FYB2: variants seen among roughly 807,000 people sequenced by gnomAD.
FYB2 encodes FYN binding protein 2.
In FYB2, 103 loss-of-function variants were observed where a neutral mutation model predicts 94.1. That is an observed-to-expected ratio of 1.09 (90% confidence interval 0.93 to 1.29). The LOEUF (loss-of-function observed/expected upper bound fraction) is 1.29. Among genes scored for constraint, FYB2 ranks in the 50% most tolerant of loss-of-function variants. The pLI is 0.00. For synonymous variants in FYB2, 293 were observed against 287.9 expected, an observed-to-expected ratio of 1.02 and a Z score of -0.18; for missense variants, 896 against 841.5, an observed-to-expected ratio of 1.06 and a Z score of -0.80.
At chr1:56,825,660 C>T in the FYB2 span, among the ~76,000 whole-genome samples, 18 of 152,126 alleles carry the variant, frequency 1.2e-4, no homozygotes, top group Non-Finnish European at 2.1e-4. Flanking sequence ...AATACAATAA[C>T]AAGCGCCCCC....
intron 1 of FYB2, among the ~76,000 whole-genome samples, chr1:56,795,757 T>C (rs1284713363): frequency 1.3e-5 from 2 of 152,194 alleles, no homozygotes; most frequent in African/African-American, 2.4e-5. Flanking sequence ...GGACAACTAC[T>C]GTACAATGTT....
rs1224778044 is a variant in FYB2, at chr1:56,737,067, C to T, written c.1793+20G>A. ...TGGGTCAAATATCAGCAGGGATGAC[C>T]AATAAGGTAAATTACTTACTTTGAC... On this transcript the variant is annotated intron_variant, in intron 15 of 19. Transcript: ENST00000343433. 6.4e-7 allele frequency: 1 copy of T among 1,558,098 alleles called. No homozygotes were observed. Among genetic ancestry groups the T allele is most frequent in the African/African-American group, 1.4e-5 (1 of 73,564 alleles).
intron 5 of FYB2, among the ~76,000 whole-genome samples, chr1:56,763,819 C>T (rs1645558497): frequency 6.6e-6 from 1 of 151,650 alleles, no homozygotes; most frequent in Non-Finnish European, 1.5e-5. Context: ...CTAATCTTAT[C>T]CTTATTGTTT....
At position 56,726,589 on chromosome 1, in the gene FYB2, G is replaced by A; in HGVS notation, c.1794-6C>T. 6.2e-7 allele frequency: 1 copy of A among 1,604,490 alleles called. No individual in the cohort carries two copies. Among genetic ancestry groups the A allele is most frequent in the South Asian group, 1.1e-5 (1 of 90,242 alleles). The stretch of plus-strand genomic sequence containing the variant: ...TTTTCAGTTTATCTTCATCTCTGAG[G>A]AGAAATATATTTTGAGCAAGTAAAT... On this transcript the variant is annotated splice_polypyrimidine_tract_variant and splice_region_variant and intron_variant, in intron 15 of 19. Coordinates refer to ENST00000343433, the MANE Select transcript of FYB2 (RefSeq NM_001004303.5).
At chr1:56,733,975 C>T (rs1644771554) in intron 15 of FYB2, among the ~76,000 whole-genome samples, 1 of 151,870 alleles carries the variant, frequency 6.6e-6, no homozygotes, top group Non-Finnish European at 1.5e-5. Flanking sequence ...CTTTTTTAAC[C>T]TTCTGTCTCA....
At chr1:56,740,661 TC>T (rs1644930292) in intron 13 of FYB2, 35 bp downstream of exon 13, 1 of 1,270,164 alleles carries the variant, frequency 7.9e-7, no homozygotes, top group Admixed American at 1.9e-5. Context: ...ACCAGGTTAA[TC>T]CCCTCGTGGA....
intron 14 of FYB2, among the ~76,000 whole-genome samples, chr1:56,738,070 C>A (rs1485421974): frequency 6.6e-6 from 1 of 152,042 alleles, no homozygotes; most frequent in Non-Finnish European, 1.5e-5. Context: ...CTTTTATTGA[C>A]AAATTCAATG....
chr1:56,744,635 C>G (rs1193073549), intron 9 of FYB2, among the ~76,000 whole-genome samples: 1 of 151,958 alleles, frequency 6.6e-6, no homozygotes, highest in Non-Finnish European at 1.5e-5. Flanking sequence ...GGGCTTATCT[C>G]TCTACATCTA....
intron 6 of FYB2, among the ~76,000 whole-genome samples, chr1:56,757,630 T>C (rs1022729574): frequency 6.7e-6 from 1 of 150,318 alleles, no homozygotes; most frequent in African/African-American, 2.4e-5. Flanking sequence ...CTTTTCTTTC[T>C]TTTCTTTTCT....
At chr1:56,719,765 G>A in intron 19 of FYB2, 73 bp from the exon 20 acceptor site, 10 of 1,341,476 alleles carry the variant, frequency 7.5e-6, no homozygotes, top group Non-Finnish European at 9.4e-6. Flanking sequence ...AGATTTCTAG[G>A]GAATTTCTGA....
chr1:56,755,577 C>A (rs1014896270), intron 7 of FYB2, among the ~76,000 whole-genome samples: 1 of 152,078 alleles, frequency 6.6e-6, no homozygotes, highest in African/African-American at 2.4e-5. Context: ...TGTGACTCTC[C>A]CACTAATTCA....
At chr1:56,749,494 T>G (rs1645146366) in intron 9 of FYB2, among the ~76,000 whole-genome samples, 1 of 152,070 alleles carries the variant, frequency 6.6e-6, no homozygotes. Context: ...TAAAATGTAA[T>G]CATTGGCATT....
At chr1:56,772,053 C>G (rs979883837) in intron 4 of FYB2, among the ~76,000 whole-genome samples, 2 of 152,036 alleles carry the variant, frequency 1.3e-5, no homozygotes, top group African/African-American at 4.8e-5. Flanking sequence ...TCCAATGCAT[C>G]AGTAACTTCT....
At chr1:56,742,043 G>T in intron 12 of FYB2, 118 bp downstream of exon 12, 1 of 722,130 alleles carries the variant, frequency 1.4e-6, no homozygotes, top group East Asian at 2.7e-5. Context: ...AGATGATGAT[G>T]GGAGTCGGGG....
chr1:56,812,876 C>T (rs1197536266), intron 1 of FYB2, among the ~76,000 whole-genome samples: 1 of 152,214 alleles, frequency 6.6e-6, no homozygotes, highest in Non-Finnish European at 1.5e-5. Flanking sequence ...TGATACGGTT[C>T]ACTTATTAGT....
At chr1:56,823,115 G>A (rs1051188600), upstream of FYB2, among the ~76,000 whole-genome samples, 2 of 152,140 alleles carry the variant, frequency 1.3e-5, no homozygotes, top group Non-Finnish European at 1.5e-5. Context: ...TGACAATGTT[G>A]TGAGATAAGA....
At chr1:56,825,585 G>A in the FYB2 span, among the ~76,000 whole-genome samples, 4 of 152,098 alleles carry the variant, frequency 2.6e-5, no homozygotes, top group African/African-American at 9.7e-5. Context: ...TAGGGTGTAA[G>A]GCACTAAACA....
chr1:56,740,412 A>T (rs557425983), intron 13 of FYB2, among the ~76,000 whole-genome samples: 77 of 152,240 alleles, frequency 5.1e-4, no homozygotes, highest in Admixed American at 1.4e-3. Flanking sequence ...GTTAAGGCTG[A>T]TGAGGAAAGT....
At position 56,790,883 on chromosome 1, in the gene FYB2, C is replaced by T. The variant is rs576328463; in HGVS notation, c.757+1173G>A. ...TTGAACTTAGGCCTAAATGCAGCTACAAAAGCTTAAAGAAAAGAGTTTTTG... is the reference window on the plus strand; with the variant it reads ...TTGAACTTAGGCCTAAATGCAGCTATAAAAGCTTAAAGAAAAGAGTTTTTG... On this transcript the variant is annotated intron_variant, in intron 2 of 19. Transcript: ENST00000343433. Among the ~76,000 whole-genome samples the T allele has an allele frequency of 5.9e-5, 9 of 152,086 alleles. No homozygotes were observed. In the East Asian group the frequency reaches 1.7e-3, roughly 29 times the overall value.
Sources: allele counts gnomAD v4.1 joint callset (sites outside exome capture counted in the v4.1 genomes callset), GRCh38; gene constraint gnomAD v4.1.1; transcripts MANE v1.5; gene names NCBI Gene and HGNC (gene_info 2026-07-23, HGNC 2026-07-21).